PDS5A: variants seen among roughly 807,000 people sequenced by gnomAD.
PDS5A encodes the protein sister chromatid cohesion protein PDS5 homolog A.
Under a neutral mutation model 167.1 loss-of-function variants are expected in PDS5A, and 42 were observed. The ratio of observed to expected loss-of-function variants is 0.25; its 90% CI spans 0.20 to 0.33. The LOEUF (loss-of-function observed/expected upper bound fraction) is 0.33. Among genes scored for constraint, PDS5A ranks in the 10% least tolerant of loss-of-function variants. PDS5A has a pLI of 1.00. For synonymous variants in PDS5A, 553 were observed against 554.6 expected (o/e 1.00, Z 0.04); for missense variants, 1,033 against 1,605.9 (o/e 0.64, Z 6.10).
Position 39,866,844 on chromosome 4 carries a change from A to G in PDS5A, c.2642+17T>C. Reference sequence around the variant, plus strand: ...AATTTCAGCACTAAGAAAACTGGAAAGAAAGAAAAATCTCACCTGATCCTC... The same window carrying G: ...AATTTCAGCACTAAGAAAACTGGAAGGAAAGAAAAATCTCACCTGATCCTC... On this transcript the variant is annotated intron_variant, in intron 23 of 32. Transcript: ENST00000303538. 6.3e-7 allele frequency: 1 copy of G among 1,592,112 alleles called. No homozygotes were observed. Among genetic ancestry groups the G allele is most frequent in the Non-Finnish European group, 8.5e-7 (1 of 1,171,932 alleles).
At chr4:39,934,657 A>T (rs1241245198) in intron 2 of PDS5A, among the ~76,000 whole-genome samples, 2 of 149,714 alleles carry the variant, frequency 1.3e-5, no homozygotes, top group African/African-American at 2.5e-5. Flanking sequence ...AAAAAATCAA[A>T]CTAAGTTTTT....
At chr4:39,923,597 C>G (rs1725195184) in intron 5 of PDS5A, among the ~76,000 whole-genome samples, 1 of 149,290 alleles carries the variant, frequency 6.7e-6, no homozygotes, top group Non-Finnish European at 1.5e-5. Context: ...GATCGTGCCA[C>G]TGCACTCCAG....
chr4:39,975,664 G>A (rs574424747), intron 2 of PDS5A, among the ~76,000 whole-genome samples: 4 of 152,092 alleles, frequency 2.6e-5, no homozygotes, highest in African/African-American at 9.7e-5. Context: ...AGCACCAATT[G>A]TGACAACCAA....
At chr4:39,895,883 AAT>A (rs1491481328) in intron 16 of PDS5A, among the ~76,000 whole-genome samples, 3 of 149,112 alleles carry the variant, frequency 2.0e-5, no homozygotes. Flanking sequence ...ATGCTCAGCT[AAT>A]TTTTTTTTTT....
chr4:39,968,779 CTTT>C (rs369361620), intron 2 of PDS5A, among the ~76,000 whole-genome samples: 1 of 143,836 alleles, frequency 7.0e-6, no homozygotes, highest in Non-Finnish European at 1.5e-5. Flanking sequence ...TATGCTTTTA[CTTT>C]TTTTTTTTCT....
chr4:39,880,893 C>A (rs1720871991), intron 17 of PDS5A, among the ~76,000 whole-genome samples: 1 of 152,164 alleles, frequency 6.6e-6, no homozygotes, highest in African/African-American at 2.4e-5. Context: ...TTCATCCACC[C>A]ATCTAGCTGT....
chr4:39,881,308 C>A (rs966830051), intron 17 of PDS5A, among the ~76,000 whole-genome samples: 1 of 151,190 alleles, frequency 6.6e-6, no homozygotes, highest in African/African-American at 2.4e-5. Context: ...GGATGTATAC[C>A]TAGTAGTGGG....
chr4:39,825,367 G>C lies in PDS5A; in HGVS notation c.*118C>G. The C allele has an allele frequency of 1.4e-6, 1 of 730,136 alleles. No individual in the cohort carries two copies. Among genetic ancestry groups the C allele is most frequent in the Non-Finnish European group, 2.3e-6 (1 of 434,382 alleles). 45.2% of individuals were successfully genotyped at this position (730,136 alleles called of 1,614,324 possible). A position where few individuals can be genotyped will look rare whatever the true frequency, so the allele number is the denominator to read the frequency against. ...GTCTCTTTAGTTTTCAAGGCAGAGAGTGTGTGTTCTGAAGTGAGCTTCATT... is the reference window on the plus strand; with the variant it reads ...GTCTCTTTAGTTTTCAAGGCAGAGACTGTGTGTTCTGAAGTGAGCTTCATT... On this transcript the variant is annotated 3_prime_UTR_variant, in exon 33 of 33. Coordinates refer to ENST00000303538, the MANE Select transcript of PDS5A (RefSeq NM_001100399.2).
chr4:39,834,589 T>C (rs1716220122), intron 32 of PDS5A, among the ~76,000 whole-genome samples: 1 of 152,214 alleles, frequency 6.6e-6, no homozygotes. Context: ...CCAATTTTTC[T>C]TTGGTCACTA....
intron 24 of PDS5A, 83 bp from the exon 25 acceptor site, chr4:39,863,156 T>G (rs931632118): frequency 9.7e-5 from 107 of 1,099,212 alleles, no homozygotes; most frequent in Non-Finnish European, 1.3e-4. Context: ...TGTCTTCAAT[T>G]AAAAAGAAGA....
intron 17 of PDS5A, among the ~76,000 whole-genome samples, chr4:39,886,727 T>A (rs538385530): frequency 2.9e-3 from 432 of 150,654 alleles, no homozygotes; most frequent in Non-Finnish European, 4.0e-3. Context: ...AAAAAAAAAA[T>A]TTTTTTTTAA....
At chr4:39,962,736 G>A (rs1341756184) in intron 2 of PDS5A, among the ~76,000 whole-genome samples, 4 of 152,034 alleles carry the variant, frequency 2.6e-5, no homozygotes, top group Admixed American at 2.0e-4. Context: ...CCCAGGAGGC[G>A]GAGGTTGCAG....
chr4:39,862,807 A>C (rs1719109106), intron 25 of PDS5A, 62 bp downstream of exon 25: 6 of 1,070,486 alleles, frequency 5.6e-6, no homozygotes, highest in African/African-American at 1.6e-5. Flanking sequence ...AAGAAAAAAA[A>C]AACCTAAAAA....
chr4:39,976,715 C>T (rs1731123992), intron 1 of PDS5A, 98 bp from the exon 2 acceptor site: 2 of 592,822 alleles, frequency 3.4e-6, no homozygotes, highest in Non-Finnish European at 5.5e-6. Context: ...CCCTGTCTCC[C>T]CAGAGGCCGG....
chr4:39,871,008 T>C (rs1335083403), intron 21 of PDS5A, among the ~76,000 whole-genome samples: 1 of 152,140 alleles, frequency 6.6e-6, no homozygotes, highest in Non-Finnish European at 1.5e-5. Flanking sequence ...AACATTCTGA[T>C]ACATACTACA....
At chr4:39,886,235 G>C (rs1721464012) in intron 17 of PDS5A, among the ~76,000 whole-genome samples, 1 of 152,166 alleles carries the variant, frequency 6.6e-6, no homozygotes, top group South Asian at 2.1e-4. Flanking sequence ...GTAGTATAAA[G>C]TCAGGTAGTT....
At chr4:39,831,556 ATTT>A (rs1259579040) in intron 32 of PDS5A, among the ~76,000 whole-genome samples, 1 of 152,100 alleles carries the variant, frequency 6.6e-6, no homozygotes, top group Non-Finnish European at 1.5e-5. Context: ...CATTTTAACC[ATTT>A]TTAAGTATAA....
chr4:39,964,840 G>A (rs1729826596), intron 2 of PDS5A, among the ~76,000 whole-genome samples: 1 of 151,992 alleles, frequency 6.6e-6, no homozygotes. Context: ...CTACTTGGGA[G>A]GCTGAGGCAG....
In PDS5A at chr4:39,890,134, T is replaced by C. The variant is rs946760350; in HGVS notation, c.1886+115A>G. ...ACTTGAATGATGTACAACCCTGTGA[T>C]TAAAAAGAGACATACAGAGGTTTTC... On this transcript the variant is annotated intron_variant, in intron 17 of 32. Coordinates refer to ENST00000303538, the MANE Select transcript of PDS5A (RefSeq NM_001100399.2). 1.2e-4 allele frequency: 73 copies of C among 592,120 alleles called. No individual in the cohort carries two copies. In the East Asian group the frequency reaches 2.0e-3, roughly 16 times the overall value. 36.7% of individuals were successfully genotyped at this position (592,120 alleles called of 1,614,324 possible).
Sources: allele counts gnomAD v4.1 joint callset (sites outside exome capture counted in the v4.1 genomes callset), GRCh38; gene constraint gnomAD v4.1.1; transcripts MANE v1.5; gene names NCBI Gene and HGNC (gene_info 2026-07-23, HGNC 2026-07-21).